TARBP1: variants seen among roughly 807,000 people sequenced by gnomAD.
The protein encoded by TARBP1 is tRNA (guanosine(18)-2'-O)-methyltransferase TARBP1.
A neutral mutation model predicts 178.6 loss-of-function variants in TARBP1; 144 were observed. That is an observed-to-expected ratio of 0.81 (90% CI 0.70 to 0.93). The LOEUF (loss-of-function observed/expected upper bound fraction) is 0.93, where lower values mean the gene tolerates loss of function less well. Ranked by LOEUF, TARBP1 falls within the 40% of genes least tolerant of loss-of-function variation. TARBP1 has a pLI of 0.00. For synonymous variants in TARBP1, 787 were observed against 781.0 expected (o/e 1.01, Z -0.13); for missense variants, 2,067 against 2,011.7 (o/e 1.03, Z -0.53).
chr1:234,448,086 G>A (rs1234032864), intron 11 of TARBP1, among the ~76,000 whole-genome samples: 1 of 152,090 alleles, frequency 6.6e-6, no homozygotes, highest in East Asian at 1.9e-4. Flanking sequence ...CTACAGACGT[G>A]CACCACCACG....
intron 20 of TARBP1, 132 bp from the exon 21 acceptor site, chr1:234,420,944 G>T: frequency 2.1e-6 from 1 of 481,468 alleles, no homozygotes; most frequent in Non-Finnish European, 3.7e-6. Context: ...CCAAAAAGCA[G>T]TTAGGAGGAT....
intron 12 of TARBP1, among the ~76,000 whole-genome samples, chr1:234,445,694 T>C (rs1275261920): frequency 6.6e-6 from 1 of 152,194 alleles, no homozygotes; most frequent in Non-Finnish European, 1.5e-5. Context: ...ATGGACGTAA[T>C]AAAATTCAAA....
intron 14 of TARBP1, 31 bp from the exon 15 acceptor site, chr1:234,430,332 A>C (rs1455954721): frequency 1.1e-5 from 17 of 1,596,660 alleles, no homozygotes; most frequent in Non-Finnish European, 1.5e-5. Context: ...TGTTTTATTT[A>C]ATATGCACAA....
intron 2 of TARBP1, among the ~76,000 whole-genome samples, chr1:234,471,532 T>C (rs1053054438): frequency 6.6e-6 from 1 of 152,230 alleles, no homozygotes; most frequent in African/African-American, 2.4e-5. Context: ...TCAACTGTCC[T>C]GGCAGGCAGG....
intron 12 of TARBP1, among the ~76,000 whole-genome samples, chr1:234,439,051 T>TA (rs989771795): frequency 1.4e-4 from 22 of 152,134 alleles, no homozygotes; most frequent in Admixed American, 1.4e-3. Context: ...GAAGGTGAAA[T>TA]AAAGATATTC....
rs886815889 is a variant in TARBP1, at chr1:234,398,565, A to T, written c.4072-12T>A. ...ATGTAAAATATGGTCTGAAAAGAGA[A>T]TTATAAAATCTAAATTTCTTCCCTT... On this transcript the variant is annotated splice_polypyrimidine_tract_variant and intron_variant, in intron 25 of 29. Transcript: ENST00000040877. 2.0e-6 allele frequency: 3 copies of T among 1,529,506 alleles called. No individual in the cohort carries two copies. The African/African-American group carries it at 4.1e-5, about 21-fold the overall frequency. The allele number at this position is 1,529,506 out of a possible 1,614,324, so 94.7% of individuals were successfully genotyped here.
At chr1:234,418,727 A>G (rs1662712566) in intron 21 of TARBP1, among the ~76,000 whole-genome samples, 3 of 152,236 alleles carry the variant, frequency 2.0e-5, no homozygotes, top group African/African-American at 4.8e-5. Context: ...TTGCCCCACA[A>G]CTACCGCACT....
At position 234,433,514 on chromosome 1, in the gene TARBP1, G is replaced by C. The variant is rs769838122; in HGVS notation, c.2290C>G (p.Leu764Val). 3.1e-6 allele frequency: 5 copies of C among 1,613,992 alleles called. No homozygotes were observed. Among genetic ancestry groups the C allele is most frequent in the Non-Finnish European group, 2.5e-6 (3 of 1,179,972 alleles). ...YLMVLTELIN[L>V]HLKVGWKRGN... ...CTTTTCCACCCAACCTTCAAATGCA[G>C]ATTTATAAGCTCAGTTAACACCATC... The change falls in exon 14 of 30, where the codon CTG becomes GTG. Residue 764 changes from leucine to valine, a missense_variant. Physicochemically the swap from Leu to Val is conservative, Grantham distance 32 (BLOSUM62 1). Transcript: ENST00000040877.
chr1:234,401,835 C>G (rs1293122174), intron 24 of TARBP1, among the ~76,000 whole-genome samples: 2 of 152,142 alleles, frequency 1.3e-5, no homozygotes, highest in African/African-American at 4.8e-5. Context: ...CCTCCCCAAC[C>G]CTCTCACTAT....
rs898475180 is a variant in TARBP1, at chr1:234,410,345, T to C, written c.3792+100A>G. The C allele has an allele frequency of 5.0e-5, 34 of 677,792 alleles. No homozygotes were observed. The East Asian group carries it at 9.2e-4, about 18-fold the overall frequency. The allele number at this position is 677,792 out of a possible 1,614,324, so 42.0% of individuals were successfully genotyped here. A position where few individuals can be genotyped will look rare whatever the true frequency, so the allele number is the denominator to read the frequency against. On this transcript the variant is annotated intron_variant, in intron 23 of 29. Transcript: ENST00000040877. ...GGGCAGTGGAAAGGAAAGGGAAAAA[T>C]TGCAAACATTCACAGGAATGCTCTA...
At position 234,422,800 on chromosome 1, in the gene TARBP1, T is replaced by C. The variant is rs1482551107; in HGVS notation, c.3445-1988A>G. ...GGTGACAGATATCTCATTTACCTGATGTAATTATTACACATTGTATGCCTA... is the reference window on the plus strand; with the variant it reads ...GGTGACAGATATCTCATTTACCTGACGTAATTATTACACATTGTATGCCTA... On this transcript the variant is annotated intron_variant, in intron 20 of 29. Transcript: ENST00000040877. Among the ~76,000 whole-genome samples the C allele has an allele frequency of 3.3e-5, 5 of 152,230 alleles. 1 individual carries two copies. The highest frequency in any genetic ancestry group is 2.0e-4 in the Admixed American group (3 of 15,286).
chr1:234,440,489 GCA>G (rs146428460), intron 12 of TARBP1, among the ~76,000 whole-genome samples: 5 of 150,316 alleles, frequency 3.3e-5, no homozygotes, highest in Admixed American at 1.3e-4. Context: ...GAGTAAGCAC[GCA>G]CACACACACA....
At chr1:234,402,448 A>C (rs750753603) in intron 24 of TARBP1, among the ~76,000 whole-genome samples, 5 of 152,194 alleles carry the variant, frequency 3.3e-5, no homozygotes, top group Admixed American at 3.3e-4. Flanking sequence ...CCATTTTTTG[A>C]AAAGTTAAAG....
rs1019044344 is a variant in TARBP1, at chr1:234,433,517, T to A, written c.2287A>T (p.Asn763Tyr). Reference protein sequence around the residue: ...LYLMVLTELINLHLKVGWKRG... With the variant: ...LYLMVLTELIYLHLKVGWKRG... ...TTCCACCCAACCTTCAAATGCAGAT[T>A]TATAAGCTCAGTTAACACCATCAGG... Residue 763 changes from asparagine to tyrosine, a missense_variant, in exon 14 of 30, where the codon AAT (asparagine) becomes TAT (tyrosine). Physicochemically the swap from Asn to Tyr is moderately radical, Grantham distance 143. Transcript: ENST00000040877. The A allele has an allele frequency of 6.8e-6, 11 of 1,613,924 alleles. No homozygotes were observed. In the Admixed American group the frequency reaches 1.8e-4, roughly 27 times the overall value.
At chr1:234,469,007 C>G (rs995112535) in intron 3 of TARBP1, among the ~76,000 whole-genome samples, 34 of 145,054 alleles carry the variant, frequency 2.3e-4, no homozygotes, top group African/African-American at 5.9e-4. Context: ...TCTCTCTCAC[C>G]ATTTTACCCC....
chr1:234,474,289 A>AC (rs1553306832), intron 1 of TARBP1, among the ~76,000 whole-genome samples: 94 of 127,110 alleles, frequency 7.4e-4, no homozygotes, highest in Middle Eastern at 7.1e-3. Flanking sequence ...CACACACACA[A>AC]AGGGGACATT....
Position 234,478,606 on chromosome 1 carries a change from GGTC to G in TARBP1, c.495_497del (p.Thr166del), listed in dbSNP as rs1669816429. 7.7e-7 allele frequency: 1 copy of G among 1,299,768 alleles called. No homozygotes were observed. Among genetic ancestry groups the G allele is most frequent in the Admixed American group, 3.8e-5 (1 of 26,378 alleles). 80.5% of individuals were successfully genotyped at this position (1,299,768 alleles called of 1,614,324 possible). A position where few individuals can be genotyped will look rare whatever the true frequency, so the allele number is the denominator to read the frequency against. ...CCCCGCCCAGCGCCAGGGCGACGGC[GGTC>G]CCCGCCACGCGCTCCAGTAGCGGCC... is the stretch of plus-strand genomic sequence containing the variant. On this transcript the variant is annotated inframe_deletion, in exon 1 of 30. Coordinates refer to ENST00000040877, the MANE Select transcript of TARBP1 (RefSeq NM_005646.4).
chr1:234,398,370 A>G lies in TARBP1; in HGVS notation c.4243+12T>C, dbSNP rs116620288. On this transcript the variant is annotated intron_variant, in intron 26 of 29. Transcript: ENST00000040877. Reference sequence around the variant, plus strand: ...AACAAGGGGAAAAAATAAAATGAAAATTATTTTTTACCTATGTCTTGCTGA... The same window carrying G: ...AACAAGGGGAAAAAATAAAATGAAAGTTATTTTTTACCTATGTCTTGCTGA... 3,345 of 1,556,610 alleles carry G rather than the reference A, an allele frequency of 2.1e-3. 63 individuals are homozygous for G. The African/African-American group carries it at 0.041, about 19-fold the overall frequency.
rs375581104 is a variant in TARBP1 at position 234,430,299 on chromosome 1, C to A, written c.2397G>T (p.Glu799Asp). Reference sequence around the variant, plus strand: ...TCTGAATCTGACTTCCAACTGTTGGCTCCTGAAAAGGAAATGTGACAATGT... The same window carrying A: ...TCTGAATCTGACTTCCAACTGTTGGATCCTGAAAAGGAAATGTGACAATGT... ...QHLQEMDSGQ[E>D]PTVGSQIQRV... Residue 799 changes from glutamate (E) to aspartate (D), a missense_variant and splice_region_variant, in exon 15 of 30, where the codon GAG (glutamate) becomes GAT (aspartate). Glu to Asp is a conservative substitution (Grantham distance 45, BLOSUM62 2). Coordinates refer to ENST00000040877, the MANE Select transcript of TARBP1 (RefSeq NM_005646.4). 2.3e-5 allele frequency: 37 copies of A among 1,613,020 alleles called. No individual in the cohort carries two copies. The highest frequency in any genetic ancestry group is 1.6e-4 in the Middle Eastern group (1 of 6,084).
Sources: gnomAD v4.1 joint callset for allele counts (sites outside exome capture counted in the v4.1 genomes callset) on GRCh38, gnomAD v4.1.1 for gene constraint, MANE v1.5 for transcripts, NCBI Gene and HGNC (gene_info 2026-07-23, HGNC 2026-07-21) for gene names.